PLXNA4: variants seen among roughly 807,000 people sequenced by gnomAD.
PLXNA4 encodes plexin A4, also known as plexin-A4.
PLXNA4 carries 44 observed loss-of-function variants against 191.8 expected under a neutral mutation model. That is an observed-to-expected ratio of 0.23 (90% CI 0.18 to 0.29). The LOEUF is 0.29. PLXNA4 is among the 10% of genes least tolerant of loss of function. The pLI is 1.00. For missense variants in PLXNA4, 1,800 were observed against 2,488.8 expected (o/e 0.72, Z 5.89); for synonymous variants, 1,082 against 1,009.5 (o/e 1.07, Z -1.36).
Position 132,281,433 on chromosome 7 carries a change from C to G in PLXNA4, c.1503+16658G>C, listed in dbSNP as rs79632368. On this transcript the variant is annotated intron_variant, in intron 4 of 31. Transcript: ENST00000321063. Reference sequence around the variant, plus strand: ...GGTGCTGAATTTTTATATTTTTTAACAAAGGGGTCAAAATTCTCTGAAACT... The same window carrying G: ...GGTGCTGAATTTTTATATTTTTTAAGAAAGGGGTCAAAATTCTCTGAAACT... Among the ~76,000 whole-genome samples the G allele has an allele frequency of 2.5e-3, 387 of 152,176 alleles. 5 individuals are homozygous for G. In the East Asian group the frequency reaches 0.053, roughly 21 times the overall value.
intron 2 of PLXNA4, among the ~76,000 whole-genome samples, chr7:132,607,167 C>T (rs943547891): frequency 6.6e-6 from 1 of 152,174 alleles, no homozygotes; most frequent in African/African-American, 2.4e-5. Context: ...CCACAGTTAA[C>T]CAAAAAACCC....
At chr7:132,627,873 A>G (rs1009204322) in intron 2 of PLXNA4, among the ~76,000 whole-genome samples, 7 of 152,246 alleles carry the variant, frequency 4.6e-5, no homozygotes, top group Non-Finnish European at 1.0e-4. Flanking sequence ...AACCCAGTCT[A>G]AAGTATTTTG....
chr7:132,392,105 G>A (rs527312765), intron 3 of PLXNA4, among the ~76,000 whole-genome samples: 33 of 151,894 alleles, frequency 2.2e-4, no homozygotes, highest in Non-Finnish European at 3.4e-4. Flanking sequence ...TCCAGCCTGG[G>A]CAACAAGAGT....
chr7:132,205,850 C>A (rs1797599290), intron 10 of PLXNA4, among the ~76,000 whole-genome samples: 1 of 152,178 alleles, frequency 6.6e-6, no homozygotes, highest in Admixed American at 6.5e-5. Context: ...AGGTGGTGAC[C>A]AGGAGTGTTA....
chr7:132,287,902 T>C (rs1364811588), intron 4 of PLXNA4, among the ~76,000 whole-genome samples: 2 of 152,182 alleles, frequency 1.3e-5, no homozygotes, highest in Admixed American at 6.5e-5. Flanking sequence ...CCGAGGCTGG[T>C]TCTGAGTTCT....
chr7:132,634,643 T>A (rs968866825), intron 2 of PLXNA4, among the ~76,000 whole-genome samples: 1 of 152,200 alleles, frequency 6.6e-6, no homozygotes, highest in Non-Finnish European at 1.5e-5. Flanking sequence ...GCCCTCTCCC[T>A]TTTCCACCTA....
chr7:132,524,122 A>G (rs997179467), intron 1 of PLXNA4, among the ~76,000 whole-genome samples: 1 of 152,200 alleles, frequency 6.6e-6, no homozygotes, highest in African/African-American at 2.4e-5. Flanking sequence ...TAAGATATCA[A>G]CCTAACCCTG....
chr7:132,135,331 T>G (rs1795080820), intron 30 of PLXNA4, among the ~76,000 whole-genome samples: 1 of 152,208 alleles, frequency 6.6e-6, no homozygotes, highest in South Asian at 2.1e-4. Context: ...AATCAGAGCC[T>G]CTGACCAGGT....
chr7:132,275,726 A>T (rs938372791), intron 4 of PLXNA4, among the ~76,000 whole-genome samples: 2 of 152,150 alleles, frequency 1.3e-5, no homozygotes, highest in African/African-American at 4.8e-5. Flanking sequence ...AGTCGCCAGC[A>T]CCTGGGTCTA....
intron 4 of PLXNA4, among the ~76,000 whole-genome samples, chr7:132,265,771 G>A (rs1032370145): frequency 6.6e-6 from 1 of 152,200 alleles, no homozygotes; most frequent in Non-Finnish European, 1.5e-5. Flanking sequence ...GACCCTGCCA[G>A]CCACACACAT....
At chr7:132,205,980 T>C (rs768615649) in intron 10 of PLXNA4, among the ~76,000 whole-genome samples, 1 of 152,260 alleles carries the variant, frequency 6.6e-6, no homozygotes, top group Non-Finnish European at 1.5e-5. Context: ...AACGTGTTTA[T>C]GTGCATGCTG....
intron 3 of PLXNA4, among the ~76,000 whole-genome samples, chr7:132,301,746 C>T (rs937998112): frequency 2.6e-5 from 4 of 152,216 alleles, no homozygotes; most frequent in Admixed American, 1.3e-4. Flanking sequence ...GGGAGAGAAA[C>T]GTGCATATGA....
Position 132,510,618 on chromosome 7 carries a change from T to G in PLXNA4, c.-86-1839A>C, listed in dbSNP as rs955887804. ...AAAAGTCACATGGCATACAAGAGAG[T>G]GCTTTGAAAGTTCCTAGGAGGAGGA... On this transcript the variant is annotated intron_variant, in intron 1 of 31. Transcript: ENST00000321063. Among the ~76,000 whole-genome samples the G allele has an allele frequency of 6.6e-5, 10 of 151,478 alleles. No homozygotes were observed. In the South Asian group the frequency reaches 1.9e-3, roughly 29 times the overall value.
At chr7:132,441,811 G>A (rs1043560327) in intron 3 of PLXNA4, among the ~76,000 whole-genome samples, 7 of 152,180 alleles carry the variant, frequency 4.6e-5, no homozygotes, top group Admixed American at 3.3e-4. Flanking sequence ...ACAGTGATTT[G>A]CCCAAGGCCA....
intron 14 of PLXNA4, among the ~76,000 whole-genome samples, chr7:132,192,805 G>A (rs920089319): frequency 6.6e-6 from 1 of 152,142 alleles, no homozygotes. Context: ...TAATCACAAG[G>A]CTGAGAGATT....
intron 2 of PLXNA4, among the ~76,000 whole-genome samples, chr7:132,620,679 A>C (rs779011529): frequency 6.6e-6 from 1 of 152,202 alleles, no homozygotes; most frequent in African/African-American, 2.4e-5. Flanking sequence ...TATTATTTCT[A>C]TAAATGATGT....
chr7:132,433,871 C>G (rs1795367354), intron 3 of PLXNA4, among the ~76,000 whole-genome samples: 1 of 152,116 alleles, frequency 6.6e-6, no homozygotes, highest in Non-Finnish European at 1.5e-5. Context: ...GTTGAGTAGG[C>G]AGAGGGGGGA....
chr7:132,564,223 CTCCTCCTCCTCT>C (rs1801595218), intron 1 of PLXNA4, among the ~76,000 whole-genome samples: 1 of 129,778 alleles, frequency 7.7e-6, no homozygotes, highest in Admixed American at 8.0e-5. Flanking sequence ...CTCCTTTCTC[CTCCTCCTCCTCT>C]TCCTCCTCCT....
At chr7:132,532,813 C>G (rs779350006) in intron 1 of PLXNA4, among the ~76,000 whole-genome samples, 1 of 152,214 alleles carries the variant, frequency 6.6e-6, no homozygotes, top group African/African-American at 2.4e-5. Context: ...TGTTGTCATG[C>G]CTTCACCCAG....
Sources: gnomAD v4.1 joint callset for allele counts (sites outside exome capture counted in the v4.1 genomes callset) on GRCh38, gnomAD v4.1.1 for gene constraint, MANE v1.5 for transcripts, NCBI Gene and HGNC (gene_info 2026-07-23, HGNC 2026-07-21) for gene names.